FAM13A: variants seen among roughly 807,000 people sequenced by gnomAD.
FAM13A encodes the protein protein FAM13A.
A neutral mutation model predicts 129.6 loss-of-function variants in FAM13A; 76 were observed. The observed-to-expected ratio is 0.59, with a 90% CI of 0.49 to 0.71. FAM13A has a LOEUF of 0.71. FAM13A is among the 30% of genes least tolerant of loss of function. The probability of loss-of-function intolerance (pLI) is 0.00; values close to 1 mark genes in which losing one functional copy is unlikely to be tolerated. For synonymous variants in FAM13A, 443 were observed against 449.9 expected, an observed-to-expected ratio of 0.98 and a Z score of 0.20; for missense variants, 1,108 against 1,249.3, an observed-to-expected ratio of 0.89 and a Z score of 1.70.
intron 6 of FAM13A, among the ~76,000 whole-genome samples, chr4:88,884,028 CA>C (rs34364142): frequency 5.4e-5 from 8 of 148,788 alleles, no homozygotes; most frequent in South Asian, 4.3e-4. Context: ...TAAAAATTGC[CA>C]AAAAAAAAGT....
intron 7 of FAM13A, among the ~76,000 whole-genome samples, chr4:88,828,316 T>G (rs1277684114): frequency 6.6e-6 from 1 of 152,094 alleles, no homozygotes; most frequent in Non-Finnish European, 1.5e-5. Context: ...AATTTATTTT[T>G]TGTAGAGATG....
At chr4:88,730,480 C>A (rs1208803132) in intron 23 of FAM13A, among the ~76,000 whole-genome samples, 1 of 152,128 alleles carries the variant, frequency 6.6e-6, no homozygotes, top group Non-Finnish European at 1.5e-5. Context: ...GCAACCTTGG[C>A]CTCCCGGGTT....
intron 1 of FAM13A, among the ~76,000 whole-genome samples, chr4:89,036,634 TG>T (rs1413499341): frequency 6.6e-6 from 1 of 152,044 alleles, no homozygotes; most frequent in Non-Finnish European, 1.5e-5. Flanking sequence ...GCCAAGACAA[TG>T]GGGAAAATGT....
At chr4:88,847,762 G>A (rs759467652) in intron 7 of FAM13A, among the ~76,000 whole-genome samples, 1 of 152,196 alleles carries the variant, frequency 6.6e-6, no homozygotes, top group African/African-American at 2.4e-5. Flanking sequence ...GTGAAACCCC[G>A]TCTCTACTAA....
chr4:89,055,788 A>G (rs1772138771), intron 1 of FAM13A, among the ~76,000 whole-genome samples: 1 of 152,192 alleles, frequency 6.6e-6, no homozygotes, highest in Admixed American at 6.6e-5. Flanking sequence ...TAAGCCTCAG[A>G]GTTAAAAGGA....
chr4:88,803,557 T>TAG (rs1727962470), intron 8 of FAM13A, among the ~76,000 whole-genome samples: 1 of 138,956 alleles, frequency 7.2e-6, no homozygotes, highest in Non-Finnish European at 1.6e-5. Context: ...ACATTTGTTA[T>TAG]TACTGTGTAT....
chr4:88,773,931 G>T (rs933456437), intron 11 of FAM13A, among the ~76,000 whole-genome samples: 3 of 151,938 alleles, frequency 2.0e-5, no homozygotes, highest in African/African-American at 7.3e-5. Flanking sequence ...ATCCTCTGTG[G>T]CTCCTTATCC....
At chr4:88,942,174 T>A (rs1754865676) in intron 4 of FAM13A, among the ~76,000 whole-genome samples, 1 of 152,132 alleles carries the variant, frequency 6.6e-6, no homozygotes, top group South Asian at 2.1e-4. Flanking sequence ...ATATGAAATA[T>A]CCTAGATGAA....
chr4:88,782,029 G>C (rs1185337425), intron 10 of FAM13A, among the ~76,000 whole-genome samples: 8 of 151,128 alleles, frequency 5.3e-5, no homozygotes, highest in Non-Finnish European at 1.0e-4. Context: ...TAAAAAAAAA[G>C]AAATGTGTAT....
chr4:88,987,275 C>T (rs767847413), intron 4 of FAM13A, among the ~76,000 whole-genome samples: 6 of 151,784 alleles, frequency 4.0e-5, no homozygotes, highest in African/African-American at 1.2e-4. Context: ...TTCTACAACC[C>T]AAAAAGAAAA....
In FAM13A at chr4:88,758,836, A is replaced by G. The variant is rs1744230660; in HGVS notation, c.1644T>C (p.Asp548=). Residue 548 remains aspartate, a synonymous_variant, in exon 14 of 24, where the codon GAT becomes GAC. Coordinates refer to ENST00000264344, the MANE Select transcript of FAM13A (RefSeq NM_014883.4). The part of the protein sequence containing the change: ...LSDTKQQRNQ[D]AGDQEESFVS... ...CAAAGCTCTCCTCCTGGTCACCGGC[A>G]TCTTGATTTCTCTGCTGTTTGGTGT... 6.2e-7 allele frequency: 1 copy of G among 1,614,014 alleles called. No individual in the cohort carries two copies. Among genetic ancestry groups the G allele is most frequent in the South Asian group, 1.1e-5 (1 of 91,078 alleles).
chr4:88,823,346 C>T (rs1283480606), intron 7 of FAM13A: 24 of 1,078,248 alleles, frequency 2.2e-5, no homozygotes, highest in Non-Finnish European at 2.6e-5. Context: ...GCACCCTACT[C>T]CTTCTGCTCC....
At chr4:88,737,606 C>T (rs760929283) in intron 20 of FAM13A, 51 bp from the exon 21 acceptor site, 13 of 1,469,328 alleles carry the variant, frequency 8.8e-6, no homozygotes, top group Non-Finnish European at 9.5e-7. Context: ...TTTCCCTTTC[C>T]CTCCAGCTCT....
chr4:88,885,924 C>T (rs188436522), intron 6 of FAM13A, among the ~76,000 whole-genome samples: 1 of 151,680 alleles, frequency 6.6e-6, no homozygotes, highest in East Asian at 1.9e-4. Flanking sequence ...TGCTCAACAT[C>T]ACTAATGACC....
intron 6 of FAM13A, among the ~76,000 whole-genome samples, chr4:88,871,770 A>T (rs1338720766): frequency 6.6e-6 from 1 of 152,214 alleles, no homozygotes; most frequent in Non-Finnish European, 1.5e-5. Flanking sequence ...GCAGGCCAAC[A>T]TTCAAATTCA....
rs77069696 is a variant in FAM13A at position 88,823,212 on chromosome 4, C to T, written c.1008-18160G>A. The T allele has an allele frequency of 4.5e-3, 6,410 of 1,416,748 alleles. 234 individuals are homozygous for T. The African/African-American group carries it at 0.079, about 17-fold the overall frequency. 87.8% of individuals were successfully genotyped at this position (1,416,748 alleles called of 1,614,324 possible). On this transcript the variant is annotated intron_variant, in intron 7 of 23. Transcript: ENST00000264344. ...ACTTCTTCAGGCAATGCTATTTTATCGGCTGCTTCTCTACATTTACACTGC... is the reference window on the plus strand; with the variant it reads ...ACTTCTTCAGGCAATGCTATTTTATTGGCTGCTTCTCTACATTTACACTGC...
intron 10 of FAM13A, among the ~76,000 whole-genome samples, chr4:88,787,475 G>C (rs1724194810): frequency 6.6e-6 from 1 of 152,088 alleles, no homozygotes; most frequent in Admixed American, 6.6e-5. Context: ...CTCTAAATAA[G>C]ATATTTATGA....
Position 88,728,625 on chromosome 4 carries a change from C to T in FAM13A, c.2980G>A (p.Glu994Lys). 1 of 1,614,172 alleles carries T rather than the reference C, an allele frequency of 6.2e-7. No individual in the cohort carries two copies. The highest frequency in any genetic ancestry group is 8.5e-7 in the Non-Finnish European group (1 of 1,179,988). Residue 994 changes from glutamate to lysine, a missense_variant, in exon 24 of 24, where the codon GAA becomes AAA. This residue lies in a region of FAM13A where 529 missense variants were observed against 621.2 expected (regional missense o/e 0.85). Coordinates refer to ENST00000264344, the MANE Select transcript of FAM13A (RefSeq NM_014883.4). Reference sequence around the variant, plus strand: ...ATGTGCTTATATTCACTGTATTCTTCAGCCATAGGAGTGCGGTCTTCCTTC... The same window carrying T: ...ATGTGCTTATATTCACTGTATTCTTTAGCCATAGGAGTGCGGTCTTCCTTC... ...VQKEDRTPMA[E>K]EYSEYKHIKA... is the part of the protein sequence containing the mutation.
intron 7 of FAM13A, among the ~76,000 whole-genome samples, chr4:88,837,373 C>T (rs72872126): frequency 0.33 from 50,699 of 151,628 alleles, 8,850 homozygotes; most frequent in South Asian, 0.55. Context: ...TCAATAGATA[C>T]AGCCCATATA....
Sources: gnomAD v4.1 joint callset for allele counts (sites outside exome capture counted in the v4.1 genomes callset) on GRCh38, gnomAD v4.1.1 for gene constraint, gnomAD v4.1.1 regional missense constraint, MANE v1.5 for transcripts, NCBI Gene and HGNC (gene_info 2026-07-23, HGNC 2026-07-21) for gene names.